CDC42: variants seen among roughly 807,000 people sequenced by gnomAD.
The protein encoded by CDC42 is cell division cycle 42.
A neutral mutation model predicts 20.8 loss-of-function variants in CDC42; 1 was observed. That is an observed-to-expected ratio of 0.05 (90% CI 0.02 to 0.23). CDC42 has a LOEUF of 0.23. CDC42 is among the 10% of genes least tolerant of loss of function. The pLI is 1.00. For synonymous variants in CDC42, 72 were observed against 84.8 expected (o/e 0.85, Z 0.83); for missense variants, 49 against 227.9 (o/e 0.21, Z 5.05).
chr1:22,053,827 G>A (rs945276978), intron 1 of CDC42, among the ~76,000 whole-genome samples: 1 of 152,168 alleles, frequency 6.6e-6, no homozygotes, highest in Non-Finnish European at 1.5e-5. Context: ...CTAAAAGCTA[G>A]GAAGGTTTAA....
In CDC42 at chr1:22,093,355, G is replaced by A. The variant is rs1357342937; in HGVS notation, c.*1838G>A. ...ACAATGTGATTTTTAAGTTTTCCAG[G>A]CATTTCTAAAATGTAGCCAAGTTTG... is the stretch of plus-strand genomic sequence containing the variant. On this transcript the variant is annotated 3_prime_UTR_variant, in exon 6 of 6. Coordinates refer to ENST00000656825, the MANE Select transcript of CDC42 (RefSeq NM_001791.4). Among the ~76,000 whole-genome samples the A allele has an allele frequency of 6.6e-6, 1 of 152,144 alleles. No individual in the cohort carries two copies. Among genetic ancestry groups the A allele is most frequent in the Non-Finnish European group, 1.5e-5 (1 of 68,032 alleles).
chr1:22,080,277 T>C (rs1380043870), intron 2 of CDC42, among the ~76,000 whole-genome samples: 1 of 152,248 alleles, frequency 6.6e-6, no homozygotes, highest in Non-Finnish European at 1.5e-5. Context: ...GTTTTGGATA[T>C]GAACAATCTA....
At position 22,095,179 on chromosome 1, in the gene CDC42, G is replaced by A. The variant is rs959279236; in HGVS notation, c.*3662G>A. Among the ~76,000 whole-genome samples the A allele has an allele frequency of 2.0e-5, 3 of 152,128 alleles. No homozygotes were observed. The highest frequency in any genetic ancestry group is 7.2e-5 in the African/African-American group (3 of 41,436). ...TGGCTTTATGTCACACTTGTTTTCTGTAAGTCTTACTCTGTATCTACCCGA... is the reference window on the plus strand; with the variant it reads ...TGGCTTTATGTCACACTTGTTTTCTATAAGTCTTACTCTGTATCTACCCGA... On this transcript the variant is annotated 3_prime_UTR_variant, in exon 6 of 6. Coordinates refer to ENST00000656825, the MANE Select transcript of CDC42 (RefSeq NM_001791.4).
chr1:22,055,867 G>GTTTTTTTTT lies in CDC42; in HGVS notation c.-51+3136_-51+3144dup, dbSNP rs35437576. 1.2e-3 allele frequency among the ~76,000 whole-genome samples: 151 copies of GTTTTTTTTT among 126,634 alleles called. 3 individuals are homozygous for GTTTTTTTTT. Among genetic ancestry groups the GTTTTTTTTT allele is most frequent in the African/African-American group, 4.4e-3 (144 of 32,698 alleles). The allele number at this position is 126,634 out of a possible 152,430, so 83.1% of individuals were successfully genotyped here. On this transcript the variant is annotated intron_variant, in intron 1 of 5. Transcript: ENST00000656825. ...AAATGCACTTCTCTATTGTTTTAGA[G>GTTTTTTTTT]TTTTTTTTTTTTTTTTTTTGAGAGG... is the stretch of plus-strand genomic sequence containing the variant.
At chr1:22,056,295 G>A (rs2152825699) in intron 1 of CDC42, among the ~76,000 whole-genome samples, 1 of 152,298 alleles carries the variant, frequency 6.6e-6, no homozygotes. Flanking sequence ...GCTCATTGAA[G>A]TAGTGATTAC....
Position 22,061,527 on chromosome 1 carries a change from T to A in CDC42, c.-51+8785T>A, listed in dbSNP as rs371695348. ...CGGTCAATCAGTTTAACTTCATGTT[T>A]CTTTCTTTTTTTTTTTTTTTTTTTT... On this transcript the variant is annotated intron_variant, in intron 1 of 5. Transcript: ENST00000656825. Among the ~76,000 whole-genome samples the A allele has an allele frequency of 3.1e-4, 14 of 45,124 alleles. No individual in the cohort carries two copies. In the East Asian group the frequency reaches 0.013, roughly 43 times the overall value. 29.6% of individuals were successfully genotyped at this position (45,124 alleles called of 152,430 possible).
In CDC42 at chr1:22,099,743, G is replaced by A. The variant is rs571432838; in HGVS notation, c.*8226G>A. On this transcript the variant is annotated 3_prime_UTR_variant, in exon 6 of 6. Coordinates refer to ENST00000656825, the MANE Select transcript of CDC42 (RefSeq NM_001791.4). ...GTGTAGCTTTAGAGGATTGTAGGGT[G>A]CCTTTGCCCATTGTGTCATTTGGTC... is the stretch of plus-strand genomic sequence containing the variant. 6.6e-6 allele frequency among the ~76,000 whole-genome samples: 1 copy of A among 152,248 alleles called. No individual in the cohort carries two copies. Among genetic ancestry groups the A allele is most frequent in the East Asian group, 1.9e-4 (1 of 5,174 alleles).
Position 22,094,294 on chromosome 1 carries a change from A to ATTTCTTTTTTT in CDC42, c.*2780_*2781insCTTTTTTTTTT, listed in dbSNP as rs1645741193. On this transcript the variant is annotated 3_prime_UTR_variant, in exon 6 of 6. Coordinates refer to ENST00000656825, the MANE Select transcript of CDC42 (RefSeq NM_001791.4). ...GTTTTACTGAACATCCTAGAAATAG[A>ATTTCTTTTTTT]TTTTTTTTTTTTTTTTTTTTTGAGA... 2.6e-5 allele frequency among the ~76,000 whole-genome samples: 1 copy of ATTTCTTTTTTT among 38,292 alleles called. No homozygotes were observed. The highest frequency in any genetic ancestry group is 4.2e-5 in the Non-Finnish European group (1 of 23,610). 25.1% of individuals were successfully genotyped at this position (38,292 alleles called of 152,430 possible).
intron 5 of CDC42, among the ~76,000 whole-genome samples, 157 bp from the exon 6 acceptor site, chr1:22,091,271 A>C (rs545338770): frequency 6.6e-6 from 1 of 152,274 alleles, no homozygotes; most frequent in Admixed American, 6.5e-5. Flanking sequence ...GCCCTGGACA[A>C]ATCTTGGTGA....
chr1:22,074,169 C>G (rs1181877537), intron 1 of CDC42: 2 of 151,954 alleles, frequency 1.3e-5, no homozygotes, highest in Non-Finnish European at 2.9e-5. Flanking sequence ...CTCTGCCCCC[C>G]GAGTTCAAGC....
Position 22,091,791 on chromosome 1 carries a change from G to GTTTTTTTTTTTTTTTTTTTTTTTTTTTT in CDC42, c.*275_*276insTTTTTTTTTTTTTTTTTTTTTTTTTTTT. 1 of 77,876 alleles carries GTTTTTTTTTTTTTTTTTTTTTTTTTTTT rather than the reference G, an allele frequency of 1.3e-5. No individual in the cohort carries two copies. The highest frequency in any genetic ancestry group is 2.2e-5 in the Non-Finnish European group (1 of 45,188). The allele number at this position is 77,876 out of a possible 1,614,324, so 4.8% of individuals were successfully genotyped here. On this transcript the variant is annotated 3_prime_UTR_variant, in exon 6 of 6. Transcript: ENST00000656825. ...TCAAAAAAAAAATTTTTGTGTGTGTGTGTTTTTTTTTTTTTTTTTTTTGTT... is the reference window on the plus strand; with the variant it reads ...TCAAAAAAAAAATTTTTGTGTGTGTGTTTTTTTTTTTTTTTTTTTTTTTTTTTTTGTTTTTTTTTTTTTTTTTTTTGTT...
intron 5 of CDC42, among the ~76,000 whole-genome samples, chr1:22,091,050 G>A (rs7519109): frequency 0.93 from 142,378 of 152,294 alleles, 66,603 homozygotes; most frequent in East Asian, 1. Flanking sequence ...TTCATATCCA[G>A]CTGTTTCATT....
chr1:22,057,297 C>T (rs1044154254), intron 1 of CDC42, among the ~76,000 whole-genome samples: 1 of 152,206 alleles, frequency 6.6e-6, no homozygotes, highest in Non-Finnish European at 1.5e-5. Flanking sequence ...GACCCTTCCC[C>T]GCCATCTTTG....
At chr1:22,058,654 G>A (rs888084299) in intron 1 of CDC42, among the ~76,000 whole-genome samples, 1 of 151,628 alleles carries the variant, frequency 6.6e-6, no homozygotes, top group Non-Finnish European at 1.5e-5. Flanking sequence ...GGCTGATCTT[G>A]TATTTTTAGT....
At position 22,096,177 on chromosome 1, in the gene CDC42, T is replaced by G. The variant is rs1192935466; in HGVS notation, c.*4660T>G. Among the ~76,000 whole-genome samples, 1 of 152,008 alleles carries G rather than the reference T, an allele frequency of 6.6e-6. No homozygotes were observed. Among genetic ancestry groups the G allele is most frequent in the African/African-American group, 2.4e-5 (1 of 41,346 alleles). ...GGTGTCACTATGTTGGCCAGACAGA[T>G]CTCAAACTCCTGACCTCCTGATCCG... On this transcript the variant is annotated 3_prime_UTR_variant, in exon 6 of 6. Coordinates refer to ENST00000656825, the MANE Select transcript of CDC42 (RefSeq NM_001791.4).
rs1216976531 is a variant in CDC42, at chr1:22,062,508, T to A, written c.-51+9766T>A. Among the ~76,000 whole-genome samples, 6 of 152,182 alleles carry A rather than the reference T, an allele frequency of 3.9e-5. No homozygotes were observed. The East Asian group carries it at 1.2e-3, about 29-fold the overall frequency. ...TGGCATGATTTCATTCTTGTAGACT[T>A]ACGACCAAATTACTCTGTGCTGATT... On this transcript the variant is annotated intron_variant, in intron 1 of 5. Coordinates refer to ENST00000656825, the MANE Select transcript of CDC42 (RefSeq NM_001791.4).
rs1557910832 is a variant in CDC42 at position 22,094,293 on chromosome 1, G to GGTTTTTTTTTTTTTTT, written c.*2776_*2777insGTTTTTTTTTTTTTTT. 3.6e-5 allele frequency among the ~76,000 whole-genome samples: 1 copy of GGTTTTTTTTTTTTTTT among 27,696 alleles called. No individual in the cohort carries two copies. Among genetic ancestry groups the GGTTTTTTTTTTTTTTT allele is most frequent in the Non-Finnish European group, 5.9e-5 (1 of 16,882 alleles). The allele number at this position is 27,696 out of a possible 152,430, so 18.2% of individuals were successfully genotyped here. On this transcript the variant is annotated 3_prime_UTR_variant, in exon 6 of 6. Transcript: ENST00000656825. ...TGTTTTACTGAACATCCTAGAAATA[G>GGTTTTTTTTTTTTTTT]ATTTTTTTTTTTTTTTTTTTTTGAG...
At chr1:22,053,693 A>G (rs964708405) in intron 1 of CDC42, among the ~76,000 whole-genome samples, 1 of 152,172 alleles carries the variant, frequency 6.6e-6, no homozygotes, top group African/African-American at 2.4e-5. Flanking sequence ...ACTTAAATTC[A>G]AACAGCATTT....
At position 22,069,938 on chromosome 1, in the gene CDC42, C is replaced by T. The variant is rs1462469193; in HGVS notation, c.-50-8491C>T. Among the ~76,000 whole-genome samples the T allele has an allele frequency of 3.9e-5, 6 of 152,238 alleles. No individual in the cohort carries two copies. The South Asian group carries it at 6.2e-4, about 16-fold the overall frequency. ...AAGTAGCTGGGACCACAGGCGCATG[C>T]CACCATGCCCAGCTAATTTTTGTAT... On this transcript the variant is annotated intron_variant, in intron 1 of 5. Coordinates refer to ENST00000656825, the MANE Select transcript of CDC42 (RefSeq NM_001791.4).
Sources: gnomAD v4.1 joint callset for allele counts (sites outside exome capture counted in the v4.1 genomes callset) on GRCh38, gnomAD v4.1.1 for gene constraint, MANE v1.5 for transcripts, NCBI Gene and HGNC (gene_info 2026-07-23, HGNC 2026-07-21) for gene names.